The following SNRPD2 variants were observed in gnomAD, a reference collection of about 807,000 sequenced individuals.
The protein encoded by SNRPD2 is small nuclear ribonucleoprotein D2 polypeptide.
Under a neutral mutation model 11.5 loss-of-function variants are expected in SNRPD2, and 1 was observed. The observed-to-expected ratio is 0.09, with a 90% CI of 0.03 to 0.41. The LOEUF is 0.41. Among genes scored for constraint, SNRPD2 ranks in the 10% least tolerant of loss-of-function variants. The pLI, the probability that SNRPD2 is intolerant of heterozygous loss-of-function variation, is 0.98. For synonymous variants in SNRPD2, 63 were observed against 61.5 expected (o/e 1.02, Z -0.12); for missense variants, 77 against 154.9 (o/e 0.50, Z 2.67).
chr19:45,691,536 ATTT>A (rs5828244), intron 1 of SNRPD2: 15 of 185,908 alleles, frequency 8.1e-5, no homozygotes, highest in South Asian at 2.2e-4. Flanking sequence ...TCATAATTAA[ATTT>A]TTTTTTTTTT....
At chr19:45,692,007 C>A, upstream of SNRPD2, 13 of 1,609,000 alleles carry the variant, frequency 8.1e-6, no homozygotes, top group South Asian at 1.3e-4. Flanking sequence ...GCAAAGCCAA[C>A]CAGTAAGTGG....
upstream of SNRPD2, chr19:45,692,304 C>G: frequency 2.7e-6 from 1 of 367,336 alleles, no homozygotes; most frequent in Non-Finnish European, 5.1e-6. Flanking sequence ...GCCCCTCTTC[C>G]CTCTGGGACG....
rs372388044 is a variant in SNRPD2, at chr19:45,691,917, C to G, written c.-29G>C. 2.8e-5 allele frequency: 45 copies of G among 1,614,048 alleles called. No homozygotes were observed. The highest frequency in any genetic ancestry group is 3.6e-5 in the Non-Finnish European group (42 of 1,179,998). ...GGTCACTACGCTCTCCGTTCACTCC[C>G]GTTTCCTCCGCGTTGCTGCTGCCTG... On this transcript the variant is annotated 5_prime_UTR_variant, in exon 1 of 3. Transcript: ENST00000342669.
In SNRPD2 at chr19:45,688,786, G is replaced by A. The variant is rs1003615339; in HGVS notation, c.3-220C>T. On this transcript the variant is annotated intron_variant, in intron 1 of 2. Transcript: ENST00000342669. The surrounding 1 kb of genome is among the most constrained non-coding windows in gnomAD (Gnocchi z 4.1). The stretch of plus-strand genomic sequence containing the variant: ...CTTGATCTGTTGCCCAGGCTGGAGC[G>A]CAGTGATGTGATCTCGGCTCACTGC... Among the ~76,000 whole-genome samples, 3 of 151,620 alleles carry A rather than the reference G, an allele frequency of 2.0e-5. No individual in the cohort carries two copies. Among genetic ancestry groups the A allele is most frequent in the African/African-American group, 4.9e-5 (2 of 41,212 alleles).
intron 1 of SNRPD2, 51 bp downstream of exon 1, chr19:45,691,836 A>T: frequency 1.2e-6 from 2 of 1,612,172 alleles, no homozygotes; most frequent in Non-Finnish European, 1.7e-6. Flanking sequence ...CAATCGGTCA[A>T]ATATCCACCC....
At chr19:45,691,725 G>GCCCCA in intron 1 of SNRPD2, 162 bp downstream of exon 1, 4 of 870,694 alleles carry the variant, frequency 4.6e-6, no homozygotes, top group Non-Finnish European at 7.6e-6. Context: ...TGCGTCAAAG[G>GCCCCA]CCCCACGCCC....
upstream of SNRPD2, chr19:45,692,052 C>G: frequency 6.4e-7 from 1 of 1,571,956 alleles, no homozygotes. Context: ...TCCCCACCAA[C>G]GGTGCACAAT....
At chr19:45,692,213 T>A (rs1368366691), upstream of SNRPD2, 1 of 430,438 alleles carries the variant, frequency 2.3e-6, no homozygotes. Flanking sequence ...TGACAAGCTA[T>A]TTCCAAATGC....
upstream of SNRPD2, chr19:45,692,212 A>C: frequency 4.6e-6 from 2 of 430,904 alleles, no homozygotes; most frequent in Non-Finnish European, 8.2e-6. Flanking sequence ...ATGACAAGCT[A>C]TTTCCAAATG....
intron 1 of SNRPD2, chr19:45,689,303 ACAG>A: frequency 1.9e-6 from 1 of 520,010 alleles, no homozygotes; most frequent in East Asian, 5.4e-5. Flanking sequence ...ACGTTCCCTG[ACAG>A]TCTGTTCTCC....
Position 45,688,646 on chromosome 19 carries a change from C to A in SNRPD2, c.3-80G>T. 8.9e-7 allele frequency: 1 copy of A among 1,126,578 alleles called. No individual in the cohort carries two copies. The highest frequency in any genetic ancestry group is 1.3e-6 in the Non-Finnish European group (1 of 751,904). 69.8% of individuals were successfully genotyped at this position (1,126,578 alleles called of 1,614,324 possible). A position where few individuals can be genotyped will look rare whatever the true frequency, so the allele number is the denominator to read the frequency against. On this transcript the variant is annotated intron_variant, in intron 1 of 2. Transcript: ENST00000342669. The surrounding 1 kb of genome is among the most constrained non-coding windows in gnomAD (Gnocchi z 4.1). The stretch of plus-strand genomic sequence containing the variant: ...GAGCTGTGAGGATGGGTGATCAGGG[C>A]CTTGGCTTCAGTGTCTCCCCAACCT...
rs527986848 is a variant in SNRPD2 at position 45,688,229 on chromosome 19, C to T, written c.182+158G>A. Among the ~76,000 whole-genome samples the T allele has an allele frequency of 2.6e-5, 4 of 152,162 alleles. No homozygotes were observed. The highest frequency in any genetic ancestry group is 3.9e-4 in the East Asian group (2 of 5,172). ...AACTCCTGACCTCAGGTGATCTACC[C>T]GCCTTGCCTTCCCAAAGTGCTGGGA... On this transcript the variant is annotated intron_variant, in intron 2 of 2. Transcript: ENST00000342669. The surrounding 1 kb of genome is among the most constrained non-coding windows in gnomAD (Gnocchi z 4.1).
Position 45,688,336 on chromosome 19 carries a change from G to A in SNRPD2, c.182+51C>T. The A allele has an allele frequency of 6.6e-7, 1 of 1,506,916 alleles. No individual in the cohort carries two copies. Among genetic ancestry groups the A allele is most frequent in the Admixed American group, 1.7e-5 (1 of 58,324 alleles). 93.3% of individuals were successfully genotyped at this position (1,506,916 alleles called of 1,614,324 possible). The stretch of plus-strand genomic sequence containing the variant: ...CTTTGAGCTCTTCAGACTGGAGCTG[G>A]AGTGGCCTCTCCAGGCCTGCGGAGA... On this transcript the variant is annotated intron_variant, in intron 2 of 2. Coordinates refer to ENST00000342669, the MANE Select transcript of SNRPD2 (RefSeq NM_001384647.1). The surrounding 1 kb of genome is among the most constrained non-coding windows in gnomAD (Gnocchi z 4.1).
rs1367642731 is a variant in SNRPD2, at chr19:45,688,093, T to G, written c.182+294A>C. Among the ~76,000 whole-genome samples, 1 of 152,196 alleles carries G rather than the reference T, an allele frequency of 6.6e-6. No homozygotes were observed. The highest frequency in any genetic ancestry group is 6.6e-5 in the Admixed American group (1 of 15,262). Reference sequence around the variant, plus strand: ...CCTCCGCCTCCTGGGTTCAGGCTATTCTTGTGCCTCGGCCACCTGAGTAGC... The same window carrying G: ...CCTCCGCCTCCTGGGTTCAGGCTATGCTTGTGCCTCGGCCACCTGAGTAGC... On this transcript the variant is annotated intron_variant, in intron 2 of 2. Transcript: ENST00000342669. This position sits in a 1 kb window ranked among gnomAD's most constrained non-coding sequence, Gnocchi z 4.1.
intron 1 of SNRPD2, chr19:45,689,132 T>C (rs559208887): frequency 2.0e-6 from 1 of 506,434 alleles, no homozygotes; most frequent in South Asian, 1.4e-5. Context: ...TGATGGTAAC[T>C]CCATCCTTCT....
rs573832537 is a variant in SNRPD2, at chr19:45,688,110, C to G, written c.182+277G>C. Among the ~76,000 whole-genome samples, 1 of 152,328 alleles carries G rather than the reference C, an allele frequency of 6.6e-6. No individual in the cohort carries two copies. The highest frequency in any genetic ancestry group is 2.1e-4 in the South Asian group (1 of 4,828). On this transcript the variant is annotated intron_variant, in intron 2 of 2. Transcript: ENST00000342669. This position sits in a 1 kb window ranked among gnomAD's most constrained non-coding sequence, Gnocchi z 4.1. ...CAGGCTATTCTTGTGCCTCGGCCAC[C>G]TGAGTAGCTGTGAATACAGGCGTGC...
rs940818380 is a variant in SNRPD2, at chr19:45,688,238, T to G, written c.182+149A>C. The G allele has an allele frequency of 9.1e-6, 6 of 658,560 alleles. No homozygotes were observed. The Admixed American group carries it at 1.5e-4, about 16-fold the overall frequency. The allele number at this position is 658,560 out of a possible 1,614,324, so 40.8% of individuals were successfully genotyped here. A position where few individuals can be genotyped will look rare whatever the true frequency, so the allele number is the denominator to read the frequency against. On this transcript the variant is annotated intron_variant, in intron 2 of 2. Transcript: ENST00000342669. This position sits in a 1 kb window ranked among gnomAD's most constrained non-coding sequence, Gnocchi z 4.1. Reference sequence around the variant, plus strand: ...CCTCAGGTGATCTACCCGCCTTGCCTTCCCAAAGTGCTGGGATTACAGGCA... The same window carrying G: ...CCTCAGGTGATCTACCCGCCTTGCCGTCCCAAAGTGCTGGGATTACAGGCA...
rs774263821 is a variant in SNRPD2 at position 45,689,439 on chromosome 19, G to A, written c.3-873C>T. The A allele has an allele frequency of 8.3e-4, 278 of 334,412 alleles. 1 individual carries two copies. The highest frequency in any genetic ancestry group is 1.3e-3 in the South Asian group (57 of 42,990). The allele number at this position is 334,412 out of a possible 1,614,324, so 20.7% of individuals were successfully genotyped here. A position where few individuals can be genotyped will look rare whatever the true frequency, so the allele number is the denominator to read the frequency against. On this transcript the variant is annotated intron_variant, in intron 1 of 2. Transcript: ENST00000342669. Reference sequence around the variant, plus strand: ...TCCTAGCACTTTAGGAGGTCAAGGTGGATTGATCACTTGATGTGAGGAGTT... The same window carrying A: ...TCCTAGCACTTTAGGAGGTCAAGGTAGATTGATCACTTGATGTGAGGAGTT...
At chr19:45,689,570 G>A (rs1477549332) in intron 1 of SNRPD2, among the ~76,000 whole-genome samples, 1 of 152,084 alleles carries the variant, frequency 6.6e-6, no homozygotes, top group African/African-American at 2.4e-5. Context: ...AATTAGCCAG[G>A]CGTGGTGGTG....
Sources: allele counts gnomAD v4.1 joint callset (sites outside exome capture counted in the v4.1 genomes callset), GRCh38; gene constraint gnomAD v4.1.1; non-coding constraint Gnocchi (gnomAD v3.1); transcripts MANE v1.5; gene names NCBI Gene and HGNC (gene_info 2026-07-23, HGNC 2026-07-21).